The following AK9 variants were observed in gnomAD, a reference collection of about 807,000 sequenced individuals.
The protein encoded by AK9 is adenylate kinase 9.
AK9 carries 191 observed loss-of-function variants against 239.6 expected under a neutral mutation model. The observed-to-expected ratio is 0.80, with a 90% CI of 0.71 to 0.90. The LOEUF is 0.90. Ranked by LOEUF, AK9 falls within the 40% of genes least tolerant of loss-of-function variation. The probability of loss-of-function intolerance (pLI) is 0.00; values close to 1 mark genes in which losing one functional copy is unlikely to be tolerated. For synonymous variants in AK9, 689 were observed against 721.0 expected (o/e 0.96, Z 0.71); for missense variants, 1,995 against 2,214.7 (o/e 0.90, Z 1.99).
intron 24 of AK9, among the ~76,000 whole-genome samples, chr6:109,557,363 G>A (rs770798022): frequency 6.6e-6 from 1 of 152,114 alleles, no homozygotes; most frequent in Non-Finnish European, 1.5e-5. Context: ...ATGGGTGCCT[G>A]CTCCTTCTTC....
Position 109,603,037 on chromosome 6 carries a change from G to C in AK9, c.1842+7328C>G, listed in dbSNP as rs916089498. 6.6e-5 allele frequency among the ~76,000 whole-genome samples: 10 copies of C among 152,182 alleles called. 1 individual carries two copies. The highest frequency in any genetic ancestry group is 5.9e-4 in the Admixed American group (9 of 15,282). Reference sequence around the variant, plus strand: ...TTCGAACTTCCTCCTTTAGCTCAGAGAAGTTTGATTGTCTGAAGCCTTCTT... The same window carrying C: ...TTCGAACTTCCTCCTTTAGCTCAGACAAGTTTGATTGTCTGAAGCCTTCTT... On this transcript the variant is annotated intron_variant, in intron 17 of 40. Transcript: ENST00000424296.
intron 2 of AK9, among the ~76,000 whole-genome samples, chr6:109,674,851 A>G (rs1290213841): frequency 1.3e-5 from 2 of 152,224 alleles, no homozygotes; most frequent in Admixed American, 1.3e-4. Context: ...CCCAGGGTCC[A>G]TGTAAAGTAA....
chr6:109,576,322 ATTTG>A (rs1788067970), intron 20 of AK9, among the ~76,000 whole-genome samples: 1 of 135,704 alleles, frequency 7.4e-6, no homozygotes, highest in African/African-American at 2.6e-5. Flanking sequence ...ATGTGTTTTC[ATTTG>A]TTTGTGTCAT....
At chr6:109,592,637 G>A (rs571883324) in intron 17 of AK9, among the ~76,000 whole-genome samples, 168 of 151,958 alleles carry the variant, frequency 1.1e-3, no homozygotes, top group Middle Eastern at 6.8e-3. Flanking sequence ...TAGTAGAGAC[G>A]GGGTTTCACC....
At chr6:109,648,457 A>G (rs1450693656) in intron 8 of AK9, among the ~76,000 whole-genome samples, 1 of 152,230 alleles carries the variant, frequency 6.6e-6, no homozygotes, top group Admixed American at 6.5e-5. Flanking sequence ...AGAATACTAT[A>G]AATACCTCTA....
intron 8 of AK9, among the ~76,000 whole-genome samples, chr6:109,645,016 A>C (rs1416965296): frequency 6.6e-6 from 1 of 152,204 alleles, no homozygotes. Context: ...GAAGCATCTG[A>C]TTAAACTTTA....
At chr6:109,564,987 A>G (rs374145517) in intron 21 of AK9, 142 bp from the exon 22 acceptor site, 18 of 549,266 alleles carry the variant, frequency 3.3e-5, no homozygotes, top group African/African-American at 3.3e-4. Flanking sequence ...TGTTAGGGAA[A>G]GAACGGCATA....
chr6:109,647,665 C>T (rs1318425289), intron 8 of AK9, among the ~76,000 whole-genome samples: 1 of 152,160 alleles, frequency 6.6e-6, no homozygotes, highest in African/African-American at 2.4e-5. Flanking sequence ...CCACTGTCAA[C>T]ATTAGACAGA....
chr6:109,531,100 A>G (rs745461458), intron 28 of AK9, among the ~76,000 whole-genome samples: 10 of 152,206 alleles, frequency 6.6e-5, no homozygotes. Context: ...AAAGCATACA[A>G]TGTGGTGGCT....
At position 109,619,131 on chromosome 6, in the gene AK9, T is replaced by C; in HGVS notation, c.1360A>G (p.Lys454Glu). ...EATAAAIKVV[K>E]EKLLRELQAR... Reference sequence around the variant, plus strand: ...TGCAGTTCCCTGAGAAGCTTTTCTTTCACAACTTTAATTGCTGCTGCAGTG... The same window carrying C: ...TGCAGTTCCCTGAGAAGCTTTTCTTCCACAACTTTAATTGCTGCTGCAGTG... Residue 454 changes from lysine (K) to glutamate (E), a missense_variant, in exon 13 of 41, where the codon AAA (lysine) becomes GAA (glutamate). Physicochemically the swap from Lys to Glu is moderately conservative, Grantham distance 56. Around this residue, in one of 5 missense-constraint regions of AK9, gnomAD observed 1,290 missense variants for 1,392.7 expected, o/e 0.93. Transcript: ENST00000424296. 6.5e-7 allele frequency: 1 copy of C among 1,546,246 alleles called. No individual in the cohort carries two copies. Among genetic ancestry groups the C allele is most frequent in the Non-Finnish European group, 8.7e-7 (1 of 1,144,894 alleles).
intron 38 of AK9, among the ~76,000 whole-genome samples, chr6:109,496,937 G>A (rs1777096742): frequency 6.6e-6 from 1 of 152,066 alleles, no homozygotes; most frequent in South Asian, 2.1e-4. Flanking sequence ...TACACAGCAT[G>A]AGTCCATGAA....
intron 12 of AK9, among the ~76,000 whole-genome samples, chr6:109,624,965 G>A (rs1795340546): frequency 6.6e-6 from 1 of 151,748 alleles, no homozygotes; most frequent in East Asian, 1.9e-4. Context: ...TTTCATTTGT[G>A]TTATATTTTC....
chr6:109,635,485 C>T (rs116927370), intron 10 of AK9, among the ~76,000 whole-genome samples: 2,935 of 152,230 alleles, frequency 0.019, 37 homozygotes, highest in Middle Eastern at 0.037. Context: ...CACTTGGTCC[C>T]CTCCCACCAC....
intron 21 of AK9, among the ~76,000 whole-genome samples, chr6:109,567,856 C>A (rs1229183787): frequency 4.1e-5 from 6 of 144,598 alleles, no homozygotes; most frequent in Non-Finnish European, 7.5e-5. Flanking sequence ...ACATTGTGCA[C>A]ATGTACCCTA....
chr6:109,612,855 G>A (rs1438617204), intron 15 of AK9, among the ~76,000 whole-genome samples: 1 of 150,306 alleles, frequency 6.7e-6, no homozygotes, highest in African/African-American at 2.4e-5. Context: ...AAACCAAAAT[G>A]TAAGTTTATA....
At chr6:109,635,830 T>C (rs1418195929) in intron 10 of AK9, among the ~76,000 whole-genome samples, 2 of 152,176 alleles carry the variant, frequency 1.3e-5, no homozygotes, top group East Asian at 3.8e-4. Flanking sequence ...CTACAATTAT[T>C]AAGAATTTCA....
intron 39 of AK9, among the ~76,000 whole-genome samples, 184 bp downstream of exon 39, chr6:109,495,154 C>G (rs1003387180): frequency 3.3e-5 from 5 of 152,228 alleles, no homozygotes; most frequent in African/African-American, 1.2e-4. Flanking sequence ...GCTATGGAAG[C>G]AGGGGATTTT....
chr6:109,631,110 T>C (rs1583330131), intron 12 of AK9, among the ~76,000 whole-genome samples: 1 of 152,046 alleles, frequency 6.6e-6, no homozygotes, highest in Non-Finnish European at 1.5e-5. Flanking sequence ...TATAGGACAA[T>C]ATCCTCATGA....
chr6:109,493,904 T>A, intron 40 of AK9, 77 bp downstream of exon 40: 2 of 1,134,690 alleles, frequency 1.8e-6, no homozygotes, highest in Non-Finnish European at 2.6e-6. Context: ...CAACACAGTT[T>A]AACAATCCTA....
Sources: allele counts gnomAD v4.1 joint callset (sites outside exome capture counted in the v4.1 genomes callset), GRCh38; gene constraint gnomAD v4.1.1; regional missense constraint gnomAD v4.1.1; transcripts MANE v1.5; gene names NCBI Gene and HGNC (gene_info 2026-07-23, HGNC 2026-07-21).